Variants in RXFP2 observed in about 807,000 individuals in gnomAD.
RXFP2 encodes relaxin receptor 2.
In RXFP2, 68 loss-of-function variants were observed where a neutral mutation model predicts 88.6. That is an observed-to-expected ratio of 0.77 (90% CI 0.63 to 0.94). RXFP2 has a LOEUF of 0.94. Among genes scored for constraint, RXFP2 ranks in the 40% least tolerant of loss-of-function variants. The probability of loss-of-function intolerance (pLI) is 0.00; values close to 1 mark genes in which losing one functional copy is unlikely to be tolerated. For synonymous variants in RXFP2, 329 were observed against 306.8 expected (o/e 1.07, Z -0.76); for missense variants, 791 against 893.9 (o/e 0.88, Z 1.47).
At chr13:31,752,289 C>G (rs943703098) in intron 1 of RXFP2, among the ~76,000 whole-genome samples, 8 of 152,074 alleles carry the variant, frequency 5.3e-5, no homozygotes, top group Admixed American at 2.6e-4. Context: ...CCCCTCCCCC[C>G]CAAAAAATCT....
intron 6 of RXFP2, 118 bp from the exon 7 acceptor site, chr13:31,775,200 A>G (rs2138429788): frequency 1.1e-6 from 1 of 871,782 alleles, no homozygotes; most frequent in South Asian, 1.4e-5. Context: ...ATTCAGCCGA[A>G]TACTTTCAGA....
At position 31,789,138 on chromosome 13, in the gene RXFP2, G is replaced by C. The variant is rs747541285; in HGVS notation, c.1090G>C (p.Glu364Gln). The change falls in exon 14 of 18, where the codon GAG becomes CAG. Residue 364 changes from glutamate to glutamine, a missense_variant. Coordinates refer to ENST00000298386, the MANE Select transcript of RXFP2 (RefSeq NM_130806.5). ...ATTTTCCAGAGACCTGGAAAGGATAGAGATTCCAAATATAAACACACGAAT... is the reference window on the plus strand; with the variant it reads ...ATTTTCCAGAGACCTGGAAAGGATACAGATTCCAAATATAAACACACGAAT... The part of the protein sequence containing the change: ...QLQSLDLERI[E>Q]IPNINTRMFQ... 13 of 1,606,728 alleles carry C rather than the reference G, an allele frequency of 8.1e-6. No individual in the cohort carries two copies. The highest frequency in any genetic ancestry group is 1.1e-5 in the Non-Finnish European group (13 of 1,174,324).
chr13:31,756,547 C>T (rs1280343003), intron 1 of RXFP2, among the ~76,000 whole-genome samples: 4 of 152,100 alleles, frequency 2.6e-5, no homozygotes, highest in Admixed American at 1.3e-4. Context: ...CCCTCATTCC[C>T]TTCAATGAGT....
Position 31,797,240 on chromosome 13 carries a change from A to C in RXFP2, c.1826A>C (p.Tyr609Ser). ...GCTTTTCTCATCATTGTGTTTTCCTATATTACTATGTTCTGTTCCATTCAA... is the reference window on the plus strand; with the variant it reads ...GCTTTTCTCATCATTGTGTTTTCCTCTATTACTATGTTCTGTTCCATTCAA... ...LLAFLIIVFSYITMFCSIQKT... is the reference protein window; with the variant it reads ...LLAFLIIVFSSITMFCSIQKT... Residue 609 changes from tyrosine (Y) to serine (S), a missense_variant, in exon 17 of 18, where the codon TAT becomes TCT. Tyr to Ser is a moderately radical substitution (Grantham distance 144, BLOSUM62 -2). Coordinates refer to ENST00000298386, the MANE Select transcript of RXFP2 (RefSeq NM_130806.5). 6.2e-7 allele frequency: 1 copy of C among 1,613,878 alleles called. No homozygotes were observed. The highest frequency in any genetic ancestry group is 8.5e-7 in the Non-Finnish European group (1 of 1,179,820).
Position 31,758,400 on chromosome 13 carries a change from C to G in RXFP2, c.237C>G (p.Asn79Lys). ...GTGGGAACGGGGCGGACGAAGAGAA[C>G]TGTGGTGAGTGCTCCCCTCGGCTCC... ...DDCGNGADEE[N>K]CGDTSGWATI... is the part of the protein sequence containing the mutation. Residue 79 changes from asparagine to lysine, a missense_variant, in exon 2 of 18, where the codon AAC becomes AAG. Asn to Lys is a moderately conservative substitution (Grantham distance 94). Transcript: ENST00000298386. 1 of 1,614,082 alleles carries G rather than the reference C, an allele frequency of 6.2e-7. No individual in the cohort carries two copies. The highest frequency in any genetic ancestry group is 8.5e-7 in the Non-Finnish European group (1 of 1,179,976).
intron 9 of RXFP2, among the ~76,000 whole-genome samples, chr13:31,779,405 T>C (rs751150881): frequency 3.9e-5 from 6 of 152,134 alleles, no homozygotes; most frequent in Non-Finnish European, 5.9e-5. Context: ...TACTGTTCCA[T>C]AAATTCTGGG....
rs1593460710 is a variant in RXFP2 at position 31,775,490 on chromosome 13, T to C, written c.641+101T>C. The C allele has an allele frequency of 6.2e-5, 56 of 897,838 alleles. No homozygotes were observed. The East Asian group carries it at 1.4e-3, about 22-fold the overall frequency. The allele number at this position is 897,838 out of a possible 1,614,324, so 55.6% of individuals were successfully genotyped here. Reference sequence around the variant, plus strand: ...CACTATTTGACATATCTTATTTTTATACTTGCTTTTCTGATTATCATATAA... The same window carrying C: ...CACTATTTGACATATCTTATTTTTACACTTGCTTTTCTGATTATCATATAA... On this transcript the variant is annotated intron_variant, in intron 7 of 17. Coordinates refer to ENST00000298386, the MANE Select transcript of RXFP2 (RefSeq NM_130806.5).
chr13:31,800,363 G>A (rs1593476093), intron 17 of RXFP2, among the ~76,000 whole-genome samples: 1 of 152,182 alleles, frequency 6.6e-6, no homozygotes, highest in East Asian at 1.9e-4. Context: ...GAGATCAGGA[G>A]ATCAAGACCA....
intron 17 of RXFP2, among the ~76,000 whole-genome samples, chr13:31,799,548 T>G (rs1024703123): frequency 1.3e-5 from 2 of 152,048 alleles, no homozygotes; most frequent in Non-Finnish European, 2.9e-5. Flanking sequence ...CTTTCCCACT[T>G]GTAGGGGGAC....
intron 1 of RXFP2, among the ~76,000 whole-genome samples, chr13:31,756,259 G>T (rs1052604513): frequency 3.3e-5 from 5 of 152,188 alleles, no homozygotes; most frequent in Admixed American, 3.3e-4. Context: ...CCTCACAAGA[G>T]CATTTTCCCA....
chr13:31,777,461 A>G lies in RXFP2; in HGVS notation c.713+14A>G. On this transcript the variant is annotated intron_variant, in intron 8 of 17. Transcript: ENST00000298386. Reference sequence around the variant, plus strand: ...CTTGTTTTTCCTGTAAGTATTCATCAACCTTTCAATACATCTATCGATACA... The same window carrying G: ...CTTGTTTTTCCTGTAAGTATTCATCGACCTTTCAATACATCTATCGATACA... 6.4e-7 allele frequency: 1 copy of G among 1,566,870 alleles called. No homozygotes were observed. Among genetic ancestry groups the G allele is most frequent in the South Asian group, 1.1e-5 (1 of 89,522 alleles).
In RXFP2 at chr13:31,775,211, C is replaced by G. The variant is rs908578307; in HGVS notation, c.570-107C>G. ...GCTCATTCAGCCGAATACTTTCAGACGCAGATGTCCATATCCATAATCATC... is the reference window on the plus strand; with the variant it reads ...GCTCATTCAGCCGAATACTTTCAGAGGCAGATGTCCATATCCATAATCATC... On this transcript the variant is annotated intron_variant, in intron 6 of 17. Transcript: ENST00000298386. The G allele has an allele frequency of 3.1e-5, 29 of 924,168 alleles. No individual in the cohort carries two copies. In the South Asian group the frequency reaches 3.9e-4, roughly 12 times the overall value. The allele number at this position is 924,168 out of a possible 1,614,324, so 57.2% of individuals were successfully genotyped here.
intron 1 of RXFP2, among the ~76,000 whole-genome samples, chr13:31,756,662 T>C (rs7995324): frequency 0.67 from 99,466 of 148,908 alleles, 33,250 homozygotes; most frequent in Admixed American, 0.72. Context: ...AGCTCTGTCG[T>C]CCAGGCTGGA....
At chr13:31,753,086 G>C (rs1366101006) in intron 1 of RXFP2, among the ~76,000 whole-genome samples, 1 of 152,146 alleles carries the variant, frequency 6.6e-6, no homozygotes, top group Non-Finnish European at 1.5e-5. Flanking sequence ...ATACCCCCCT[G>C]GAGCCATCGC....
intron 10 of RXFP2, 47 bp downstream of exon 10, chr13:31,781,789 T>C (rs1375712073): frequency 1.6e-5 from 24 of 1,470,420 alleles, no homozygotes; most frequent in Non-Finnish European, 2.3e-5. Context: ...CCCTATATAT[T>C]TGGAAGTTAA....
rs1338334621 is a variant in RXFP2, at chr13:31,778,573, C to T, written c.775C>T (p.Leu259Phe). Residue 259 changes from leucine to phenylalanine, a missense_variant, in exon 9 of 18, where the codon CTC (leucine) becomes TTC (phenylalanine). Coordinates refer to ENST00000298386, the MANE Select transcript of RXFP2 (RefSeq NM_130806.5). The stretch of plus-strand genomic sequence containing the variant: ...GCAGATGTGTGCCCAAATGCCTCAA[C>T]TCAACTGGGTGTGAGTATTTATTTA... ...PKQMCAQMPQ[L>F]NWVDLEGNRI... is the part of the protein sequence containing the mutation. 6.2e-7 allele frequency: 1 copy of T among 1,606,588 alleles called. No homozygotes were observed. Among genetic ancestry groups the T allele is most frequent in the Non-Finnish European group, 8.5e-7 (1 of 1,173,256 alleles).
At chr13:31,790,851 G>A (rs538744311) in intron 14 of RXFP2, among the ~76,000 whole-genome samples, 1 of 152,126 alleles carries the variant, frequency 6.6e-6, no homozygotes, top group African/African-American at 2.4e-5. Flanking sequence ...TCCAGGCAGG[G>A]GCATAAGAAA....
At chr13:31,781,039 C>G (rs889617520) in intron 9 of RXFP2, among the ~76,000 whole-genome samples, 1 of 152,162 alleles carries the variant, frequency 6.6e-6, no homozygotes, top group Non-Finnish European at 1.5e-5. Flanking sequence ...TCACACAGAT[C>G]GGGATTCACA....
At chr13:31,773,577 ACCT>A (rs1438014688) in intron 5 of RXFP2, among the ~76,000 whole-genome samples, 2 of 151,928 alleles carry the variant, frequency 1.3e-5, no homozygotes, top group African/African-American at 4.8e-5. Context: ...CCGCTTCCTG[ACCT>A]CTGATAACCC....
Sources: gnomAD v4.1 joint callset for allele counts (sites outside exome capture counted in the v4.1 genomes callset) on GRCh38, gnomAD v4.1.1 for gene constraint, MANE v1.5 for transcripts, NCBI Gene and HGNC (gene_info 2026-07-23, HGNC 2026-07-21) for gene names.